KCNIP2: variants seen among roughly 807,000 people sequenced by gnomAD.
The protein encoded by KCNIP2 is potassium voltage-gated channel interacting protein 2, also known as A-type potassium channel modulatory protein KCNIP2.
KCNIP2 carries 19 observed loss-of-function variants against 39.0 expected under a neutral mutation model. The observed-to-expected ratio is 0.49, with a 90% CI of 0.34 to 0.71. KCNIP2 has a LOEUF of 0.71. Ranked by LOEUF, KCNIP2 falls within the 30% of genes least tolerant of loss-of-function variation. The pLI, the probability that KCNIP2 is intolerant of heterozygous loss-of-function variation, is 0.01. For synonymous variants in KCNIP2, 111 were observed against 131.2 expected (o/e 0.85, Z 1.05); for missense variants, 261 against 346.0 (o/e 0.75, Z 1.95).
At chr10:101,827,639 A>T in intron 9 of KCNIP2, 50 bp downstream of exon 9, 1 of 1,604,874 alleles carries the variant, frequency 6.2e-7, no homozygotes, top group Non-Finnish European at 8.5e-7. Context: ...TGCATTACTA[A>T]ATCAGGCCTG....
intron 1 of KCNIP2, among the ~76,000 whole-genome samples, chr10:101,833,496 A>G (rs2066057481): frequency 6.6e-6 from 1 of 151,658 alleles, no homozygotes; most frequent in African/African-American, 2.4e-5. Flanking sequence ...CAATGTTCAC[A>G]CTCTTCCCTC....
chr10:101,835,604 C>G (rs368432314), intron 1 of KCNIP2, among the ~76,000 whole-genome samples: 1 of 151,942 alleles, frequency 6.6e-6, no homozygotes, highest in Non-Finnish European at 1.5e-5. Context: ...AGGGAGCCAC[C>G]CCTCCCAGCC....
At chr10:101,830,769 T>TACACACAC (rs3837343) in intron 2 of KCNIP2, among the ~76,000 whole-genome samples, 18,852 of 119,834 alleles carry the variant, frequency 0.16, 1,448 homozygotes, top group Middle Eastern at 0.26. Context: ...CGCCTCCCCA[T>TACACACAC]ACACACACAC....
At chr10:101,830,779 C>CACAT (rs1309271294) in intron 2 of KCNIP2, among the ~76,000 whole-genome samples, 1 of 149,584 alleles carries the variant, frequency 6.7e-6, no homozygotes, top group Non-Finnish European at 1.5e-5. Context: ...TACACACACA[C>CACAT]ACGCGCGCGG....
At chr10:101,839,528 T>C (rs546206537) in intron 1 of KCNIP2, among the ~76,000 whole-genome samples, 1 of 151,866 alleles carries the variant, frequency 6.6e-6, no homozygotes, top group South Asian at 2.1e-4. Flanking sequence ...TTGATGCCCC[T>C]CTCCTTTCCT....
intron 1 of KCNIP2, among the ~76,000 whole-genome samples, chr10:101,833,810 G>C (rs1038877839): frequency 6.6e-6 from 1 of 152,082 alleles, no homozygotes; most frequent in Non-Finnish European, 1.5e-5. Context: ...ACACTGCACA[G>C]ATGGAGGTGT....
At chr10:101,833,831 C>A (rs2066065707) in intron 1 of KCNIP2, among the ~76,000 whole-genome samples, 1 of 152,212 alleles carries the variant, frequency 6.6e-6, no homozygotes, top group Admixed American at 6.5e-5. Flanking sequence ...GGAGAGGATG[C>A]ACAGGCACCG....
Position 101,828,714 on chromosome 10 carries a change from C to A in KCNIP2, c.349-18G>T. ...GGACATTCCTGGAAGGAGAGGGCACCAGGCTGAGGGCAGAGACAAAATCCC... is the reference window on the plus strand; with the variant it reads ...GGACATTCCTGGAAGGAGAGGGCACAAGGCTGAGGGCAGAGACAAAATCCC... On this transcript the variant is annotated intron_variant, in intron 4 of 9. Transcript: ENST00000356640. This position sits in a 1 kb window ranked among gnomAD's most constrained non-coding sequence, Gnocchi z 6.6. 2 of 1,614,130 alleles carry A rather than the reference C, an allele frequency of 1.2e-6. No individual in the cohort carries two copies. The highest frequency in any genetic ancestry group is 1.7e-6 in the Non-Finnish European group (2 of 1,180,012).
At position 101,828,565 on chromosome 10, in the gene KCNIP2, A is replaced by C; in HGVS notation, c.418+62T>G. The C allele has an allele frequency of 6.2e-7, 1 of 1,600,700 alleles. No homozygotes were observed. Among genetic ancestry groups the C allele is most frequent in the Non-Finnish European group, 8.6e-7 (1 of 1,168,510 alleles). On this transcript the variant is annotated intron_variant, in intron 5 of 9. Coordinates refer to ENST00000356640, the MANE Select transcript of KCNIP2 (RefSeq NM_173191.3). The surrounding 1 kb of genome is among the most constrained non-coding windows in gnomAD (Gnocchi z 6.6). ...ACCTTGGCATTCCCAGCTCCTCCAG[A>C]ATCCCTCCCTCCCTCAGCCTAGAGA... is the stretch of plus-strand genomic sequence containing the variant.
At chr10:101,839,730 C>CTCCCT (rs2066264136) in intron 1 of KCNIP2, 1 of 1,607,978 alleles carries the variant, frequency 6.2e-7, no homozygotes, top group African/African-American at 1.3e-5. Flanking sequence ...GATCCTGCCC[C>CTCCCT]TCCCTTCCCT....
At position 101,829,806 on chromosome 10, in the gene KCNIP2, C is replaced by T. The variant is rs181922684; in HGVS notation, c.223+38G>A. On this transcript the variant is annotated intron_variant, in intron 3 of 9. Coordinates refer to ENST00000356640, the MANE Select transcript of KCNIP2 (RefSeq NM_173191.3). ...CCCCCACCCCAAGATGGCAAAGCCG[C>T]CCTGCCCCGCCCCGCCCCCACCAGG... The T allele has an allele frequency of 4.3e-4, 519 of 1,212,354 alleles. 3 individuals carry two copies. The East Asian group carries it at 0.012, about 29-fold the overall frequency. 75.1% of individuals were successfully genotyped at this position (1,212,354 alleles called of 1,614,324 possible). A position where few individuals can be genotyped will look rare whatever the true frequency, so the allele number is the denominator to read the frequency against.
intron 9 of KCNIP2, 30 bp downstream of exon 9, chr10:101,827,659 C>T (rs1564659558): frequency 6.2e-7 from 1 of 1,612,922 alleles, no homozygotes; most frequent in Non-Finnish European, 8.5e-7. Flanking sequence ...GAGTCCAGGT[C>T]AGGGTAATGT....
At chr10:101,829,934 CCCGGCCAACTGCAGACACACA>C in intron 2 of KCNIP2, 37 bp from the exon 3 acceptor site, 2 of 1,542,366 alleles carry the variant, frequency 1.3e-6, no homozygotes, top group Middle Eastern at 3.4e-4. Flanking sequence ...AAGCGGAAGA[CCCGGCCAACTGCAGACACACA>C]CCTGGCCCCT....
intron 1 of KCNIP2, among the ~76,000 whole-genome samples, chr10:101,841,356 T>C (rs2066333481): frequency 6.6e-6 from 1 of 152,226 alleles, no homozygotes; most frequent in African/African-American, 2.4e-5. Flanking sequence ...CTCCCCTTCA[T>C]GCTTCAGCTT....
At chr10:101,840,275 T>G (rs1044854325) in intron 1 of KCNIP2, among the ~76,000 whole-genome samples, 5 of 139,602 alleles carry the variant, frequency 3.6e-5, no homozygotes, top group Non-Finnish European at 3.1e-5. Context: ...CATTTTGGCA[T>G]AAAGAGCCGA....
rs2065867148 is a variant in KCNIP2, at chr10:101,829,196, C to A, written c.227G>T (p.Ser76Ile). The A allele has an allele frequency of 1.2e-6, 2 of 1,612,374 alleles. No homozygotes were observed. The highest frequency in any genetic ancestry group is 1.7e-6 in the Non-Finnish European group (2 of 1,179,138). ...PHRPRLLDPD[S>I]VDDEFELSTV... Reference sequence around the variant, plus strand: ...GGACAATTCAAATTCATCGTCCACGCTGTCTGCGGGAGCGGTGAGGACAGC... The same window carrying A: ...GGACAATTCAAATTCATCGTCCACGATGTCTGCGGGAGCGGTGAGGACAGC... The change falls in exon 4 of 10, where the codon AGC becomes ATC. Residue 76 changes from serine (S) to isoleucine (I), a missense_variant. Transcript: ENST00000356640.
At chr10:101,839,791 C>T (rs1460664195) in intron 1 of KCNIP2, 2 of 1,611,492 alleles carry the variant, frequency 1.2e-6, no homozygotes, top group Non-Finnish European at 1.7e-6. Flanking sequence ...GTAGAGGGAT[C>T]GCGCTGCCTG....
At chr10:101,830,059 C>T (rs916662175) in intron 2 of KCNIP2, 162 bp from the exon 3 acceptor site, 2 of 803,336 alleles carry the variant, frequency 2.5e-6, no homozygotes, top group Non-Finnish European at 4.0e-6. Context: ...CACAAGCTTG[C>T]GGGACTCACG....
intron 1 of KCNIP2, among the ~76,000 whole-genome samples, chr10:101,833,231 G>A (rs1272472949): frequency 6.6e-6 from 1 of 150,622 alleles, no homozygotes; most frequent in African/African-American, 2.5e-5. Context: ...GCCGTGAAGA[G>A]GAGGGAGAGG....
Sources: gnomAD v4.1 joint callset for allele counts (sites outside exome capture counted in the v4.1 genomes callset) on GRCh38, gnomAD v4.1.1 for gene constraint, Gnocchi (gnomAD v3.1) non-coding constraint, MANE v1.5 for transcripts, NCBI Gene and HGNC (gene_info 2026-07-23, HGNC 2026-07-21) for gene names.